The following ZNG1E variants were observed in gnomAD, a reference collection of about 807,000 sequenced individuals.
ZNG1E encodes zinc-regulated GTPase metalloprotein activator 1E.
the ZNG1E span, among the ~76,000 whole-genome samples, chr9:65,686,031 T>TA: frequency 7.8e-5 from 4 of 51,600 alleles, no homozygotes; most frequent in Non-Finnish European, 2.4e-4. Context: ...TGAAGGAATC[T>TA]TTTTTTTTCT....
the ZNG1E span, among the ~76,000 whole-genome samples, chr9:65,702,300 T>C: frequency 9.2e-4 from 140 of 151,894 alleles, no homozygotes; most frequent in Non-Finnish European, 6.9e-4. Flanking sequence ...TGATTGATGA[T>C]AGGCAATGGA....
chr9:65,709,283 T>TC, the ZNG1E span, among the ~76,000 whole-genome samples: 1 of 150,502 alleles, frequency 6.6e-6, no homozygotes, highest in Non-Finnish European at 1.5e-5. Flanking sequence ...CTTAGCGTTT[T>TC]CACACAAATA....
At chr9:65,693,808 C>T in the ZNG1E span, among the ~76,000 whole-genome samples, 2 of 151,894 alleles carry the variant, frequency 1.3e-5, no homozygotes, top group African/African-American at 4.8e-5. Context: ...CCACTTGCCT[C>T]AGCCTCCCAA....
the ZNG1E span, among the ~76,000 whole-genome samples, chr9:65,656,757 C>A: frequency 1.3e-5 from 2 of 152,284 alleles, no homozygotes; most frequent in Non-Finnish European, 2.9e-5. Flanking sequence ...GCTAACAGAA[C>A]CCCATGTCTT....
At chr9:65,667,549 A>C in the ZNG1E span, among the ~76,000 whole-genome samples, 2 of 152,198 alleles carry the variant, frequency 1.3e-5, no homozygotes, top group South Asian at 2.1e-4. Context: ...AGCTATGGCT[A>C]ATCAACATAC....
the ZNG1E span, among the ~76,000 whole-genome samples, chr9:65,710,279 A>G: frequency 2.4e-4 from 36 of 147,400 alleles, no homozygotes; most frequent in African/African-American, 8.3e-4. Flanking sequence ...AGTAGGTTGC[A>G]AAAATTTTCT....
chr9:65,715,079 G>C, the ZNG1E span, among the ~76,000 whole-genome samples: 1 of 149,372 alleles, frequency 6.7e-6, no homozygotes, highest in East Asian at 1.9e-4. Flanking sequence ...CTCCGAGCCA[G>C]GTGTGGGACA....
chr9:65,659,092 G>A, the ZNG1E span, among the ~76,000 whole-genome samples: 1 of 152,238 alleles, frequency 6.6e-6, no homozygotes, highest in South Asian at 2.1e-4. Context: ...GTGTTTCCGT[G>A]CTCAGAAGAC....
chr9:65,673,578 T>A, the ZNG1E span, among the ~76,000 whole-genome samples: 1 of 152,228 alleles, frequency 6.6e-6, no homozygotes, highest in Non-Finnish European at 1.5e-5. Context: ...TACAGGTTGC[T>A]CATTGTTAGA....
chr9:65,662,941 A>G, the ZNG1E span, among the ~76,000 whole-genome samples: 4 of 152,204 alleles, frequency 2.6e-5, no homozygotes, highest in Admixed American at 1.3e-4. Context: ...AATCTTCTTG[A>G]TCCAAGAGCT....
At chr9:65,677,456 A>G in the ZNG1E span, among the ~76,000 whole-genome samples, 1 of 152,318 alleles carries the variant, frequency 6.6e-6, no homozygotes, top group Non-Finnish European at 1.5e-5. Context: ...ATCTTTAGCT[A>G]CACACCTGTG....
chr9:65,679,565 A>AT, the ZNG1E span: 35 of 500,176 alleles, frequency 7.0e-5, no homozygotes, highest in Admixed American at 2.9e-4. Context: ...ATTTTATTTT[A>AT]TTTTTTTTGA....
chr9:65,715,362 G>A, the ZNG1E span, among the ~76,000 whole-genome samples: 12,794 of 103,254 alleles, frequency 0.12, 7 homozygotes, highest in Middle Eastern at 0.18. Context: ...TGTCTTCTGC[G>A]TCTCTCACGC....
At chr9:65,710,714 A>G in the ZNG1E span, among the ~76,000 whole-genome samples, 1 of 149,870 alleles carries the variant, frequency 6.7e-6, no homozygotes, top group Non-Finnish European at 1.5e-5. Context: ...ATTGATCTAT[A>G]TCTCTGTTTT....
At chr9:65,722,716 T>TTTTTTG in the ZNG1E span, among the ~76,000 whole-genome samples, 1 of 138,624 alleles carries the variant, frequency 7.2e-6, no homozygotes, top group Non-Finnish European at 1.5e-5. Flanking sequence ...TTTTTTTTTT[T>TTTTTTG]TTTTTTTTTT....
chr9:65,661,798 G>A, the ZNG1E span, among the ~76,000 whole-genome samples: 11 of 152,000 alleles, frequency 7.2e-5, no homozygotes, highest in Non-Finnish European at 1.3e-4. Flanking sequence ...AATTTTTTGG[G>A]ATGGTGAAAG....
At chr9:65,667,497 T>G in the ZNG1E span, among the ~76,000 whole-genome samples, 1 of 152,288 alleles carries the variant, frequency 6.6e-6, no homozygotes, top group Non-Finnish European at 1.5e-5. Context: ...CAGTCTAAAA[T>G]ATCAAAGGAG....
the ZNG1E span, among the ~76,000 whole-genome samples, chr9:65,675,359 A>C: frequency 6.7e-6 from 1 of 149,768 alleles, no homozygotes; most frequent in Non-Finnish European, 1.5e-5. Context: ...ATAATGAGGA[A>C]AAAGTAAATA....
chr9:65,715,012 C>T, the ZNG1E span, among the ~76,000 whole-genome samples: 4 of 149,714 alleles, frequency 2.7e-5, no homozygotes, highest in South Asian at 6.4e-4. Context: ...TGCCGCCTTG[C>T]AGTTTGATCT....
Sources: allele counts gnomAD v4.1 joint callset (sites outside exome capture counted in the v4.1 genomes callset), GRCh38; gene constraint gnomAD v4.1.1; transcripts MANE v1.5; gene names NCBI Gene and HGNC (gene_info 2026-07-23, HGNC 2026-07-21).